The following ARL15 variants were observed in gnomAD, a reference collection of about 807,000 sequenced individuals.
ARL15 encodes ARF like GTPase 15, also known as ADP-ribosylation factor-like protein 15.
A neutral mutation model predicts 25.2 loss-of-function variants in ARL15; 19 were observed. The ratio of observed to expected loss-of-function variants is 0.75; its 90% confidence interval spans 0.53 to 1.10. The LOEUF (loss-of-function observed/expected upper bound fraction) is 1.10. ARL15 is among the 50% of genes least tolerant of loss of function. The probability of loss-of-function intolerance (pLI) is 0.00; values close to 1 mark genes in which losing one functional copy is unlikely to be tolerated. For missense variants in ARL15, 220 were observed against 246.0 expected, an observed-to-expected ratio of 0.89 and a Z score of 0.71; for synonymous variants, 94 against 86.8, an observed-to-expected ratio of 1.08 and a Z score of -0.46.
intron 4 of ARL15, among the ~76,000 whole-genome samples, chr5:53,894,888 T>C (rs1407295378): frequency 6.6e-6 from 1 of 152,204 alleles, no homozygotes; most frequent in Non-Finnish European, 1.5e-5. Context: ...AGAAGGGGTC[T>C]TAGTAGCAGA....
At chr5:53,903,858 G>T (rs1194258467) in intron 4 of ARL15, among the ~76,000 whole-genome samples, 1 of 152,190 alleles carries the variant, frequency 6.6e-6, no homozygotes, top group African/African-American at 2.4e-5. Flanking sequence ...CACAGTCACT[G>T]TTTTGGGCTC....
chr5:54,074,891 C>T (rs1390774718), intron 4 of ARL15, among the ~76,000 whole-genome samples: 1 of 150,844 alleles, frequency 6.6e-6, no homozygotes, highest in Non-Finnish European at 1.5e-5. Flanking sequence ...TTTCACTTCC[C>T]CAGGTCTCAG....
intron 4 of ARL15, among the ~76,000 whole-genome samples, chr5:54,029,259 A>C (rs1394464099): frequency 6.6e-6 from 1 of 151,814 alleles, no homozygotes; most frequent in African/African-American, 2.4e-5. Flanking sequence ...AATGTTTGTT[A>C]AATGCCTCTC....
chr5:53,939,486 C>G (rs113073693), intron 4 of ARL15, among the ~76,000 whole-genome samples: 4 of 152,306 alleles, frequency 2.6e-5, no homozygotes, highest in African/African-American at 9.6e-5. Context: ...CCTATAACCC[C>G]AGCACCTTCT....
At chr5:54,246,845 C>G (rs990599546) in intron 1 of ARL15, among the ~76,000 whole-genome samples, 3 of 122,104 alleles carry the variant, frequency 2.5e-5, no homozygotes, top group African/African-American at 6.4e-5. Flanking sequence ...CACACACACA[C>G]AGAGTACATA....
At chr5:54,154,662 T>A in intron 2 of ARL15, 23 bp from the exon 3 acceptor site, 1 of 1,436,776 alleles carries the variant, frequency 7.0e-7, no homozygotes. Flanking sequence ...AACAAAAACA[T>A]AAAAAAAGAA....
intron 1 of ARL15, among the ~76,000 whole-genome samples, chr5:54,230,272 G>T (rs566264748): frequency 6.6e-6 from 1 of 150,654 alleles, no homozygotes; most frequent in East Asian, 2.0e-4. Context: ...GCTTGAACCG[G>T]CAGGCGGAGG....
At chr5:54,056,626 TAAA>T (rs34643850) in intron 4 of ARL15, among the ~76,000 whole-genome samples, 1,719 of 112,612 alleles carry the variant, frequency 0.015, 17 homozygotes, top group African/African-American at 0.029. Context: ...TAAAACTGTC[TAAA>T]AAAAAAAAAA....
At chr5:53,966,023 C>G (rs1747549459) in intron 4 of ARL15, among the ~76,000 whole-genome samples, 2 of 152,078 alleles carry the variant, frequency 1.3e-5, no homozygotes, top group Admixed American at 1.3e-4. Flanking sequence ...TTTCTAAAAT[C>G]CTTGGAATCT....
At chr5:54,105,700 A>G (rs1275168302) in intron 4 of ARL15, among the ~76,000 whole-genome samples, 2 of 152,070 alleles carry the variant, frequency 1.3e-5, no homozygotes, top group Non-Finnish European at 2.9e-5. Flanking sequence ...CTCCTGCCTC[A>G]GCCTCCCAAG....
chr5:54,034,269 C>T (rs1428220956), intron 4 of ARL15, among the ~76,000 whole-genome samples: 1 of 152,066 alleles, frequency 6.6e-6, no homozygotes, highest in Non-Finnish European at 1.5e-5. Flanking sequence ...GATTTGATTC[C>T]CAGGATGAGT....
chr5:54,269,041 A>G (rs1362742449), intron 1 of ARL15, among the ~76,000 whole-genome samples: 2 of 151,690 alleles, frequency 1.3e-5, no homozygotes, highest in Non-Finnish European at 2.9e-5. Context: ...TGGACACAGG[A>G]AGGGGAACAT....
At chr5:54,152,886 T>C (rs1754110869) in intron 3 of ARL15, among the ~76,000 whole-genome samples, 1 of 152,202 alleles carries the variant, frequency 6.6e-6, no homozygotes. Flanking sequence ...TGATCTTTCA[T>C]TGTACTGAAT....
At chr5:53,956,101 AG>A in intron 4 of ARL15, among the ~76,000 whole-genome samples, 1 of 152,250 alleles carries the variant, frequency 6.6e-6, no homozygotes, top group Admixed American at 6.5e-5. Context: ...ATTCAAAAAA[AG>A]ACCCTGAGAG....
At chr5:54,123,923 T>C (rs1346836034) in intron 3 of ARL15, among the ~76,000 whole-genome samples, 1 of 151,984 alleles carries the variant, frequency 6.6e-6, no homozygotes, top group Non-Finnish European at 1.5e-5. Context: ...ATTAAAGGAG[T>C]AGGGATCAAT....
chr5:54,276,057 G>C (rs888413335), intron 1 of ARL15, among the ~76,000 whole-genome samples: 4 of 151,964 alleles, frequency 2.6e-5, no homozygotes. Context: ...TGCCTGGCCA[G>C]CTTGGATTTT....
At chr5:53,990,556 A>C (rs1448170616) in intron 4 of ARL15, among the ~76,000 whole-genome samples, 1 of 152,216 alleles carries the variant, frequency 6.6e-6, no homozygotes, top group Non-Finnish European at 1.5e-5. Context: ...TTAGCTCCTA[A>C]GCTTGGTGCG....
intron 4 of ARL15, among the ~76,000 whole-genome samples, chr5:53,962,861 T>A (rs1408232927): frequency 6.6e-6 from 1 of 152,164 alleles, no homozygotes; most frequent in African/African-American, 2.4e-5. Flanking sequence ...TAAGGTTTTT[T>A]TATTTTTATT....
At chr5:54,173,737 C>T (rs1326421328) in intron 1 of ARL15, among the ~76,000 whole-genome samples, 1 of 152,036 alleles carries the variant, frequency 6.6e-6, no homozygotes, top group Non-Finnish European at 1.5e-5. Context: ...AAAATCTGAC[C>T]ATACGTGCTT....
Sources: allele counts gnomAD v4.1 joint callset (sites outside exome capture counted in the v4.1 genomes callset), GRCh38; gene constraint gnomAD v4.1.1; transcripts MANE v1.5; gene names NCBI Gene and HGNC (gene_info 2026-07-23, HGNC 2026-07-21).